Variants in TJP1 observed in about 807,000 individuals in gnomAD.
The protein encoded by TJP1 is tight junction protein ZO-1.
A neutral mutation model predicts 194.2 loss-of-function variants in TJP1; 43 were observed. The observed-to-expected ratio is 0.22, with a 90% confidence interval of 0.17 to 0.29. The LOEUF (loss-of-function observed/expected upper bound fraction) is 0.29. Ranked by LOEUF, TJP1 falls within the 10% of genes least tolerant of loss-of-function variation. The pLI is 1.00. For synonymous variants in TJP1, 801 were observed against 779.0 expected (o/e 1.03, Z -0.47); for missense variants, 1,971 against 2,185.7 (o/e 0.90, Z 1.96).
At chr15:29,807,561 T>G (rs532799892) in intron 1 of TJP1, among the ~76,000 whole-genome samples, 2 of 152,176 alleles carry the variant, frequency 1.3e-5, no homozygotes, top group Non-Finnish European at 2.9e-5. Context: ...TATATCTTTT[T>G]GCATAACTCT....
At chr15:29,753,556 C>T (rs2045436275) in intron 8 of TJP1, among the ~76,000 whole-genome samples, 1 of 146,368 alleles carries the variant, frequency 6.8e-6, no homozygotes, top group South Asian at 2.2e-4. Context: ...ATATATGTGA[C>T]ATTAGTAAGT....
chr15:29,787,173 A>T (rs1014277543), intron 2 of TJP1, among the ~76,000 whole-genome samples: 2 of 152,118 alleles, frequency 1.3e-5, no homozygotes, highest in African/African-American at 4.8e-5. Flanking sequence ...TGTATGATTC[A>T]ATGGTTTTTA....
intron 2 of TJP1, among the ~76,000 whole-genome samples, chr15:29,845,107 C>G (rs1686506853): frequency 6.6e-6 from 1 of 152,158 alleles, no homozygotes; most frequent in South Asian, 2.1e-4. Flanking sequence ...TGGATACTCC[C>G]AAGCCCTCAA....
At chr15:29,828,401 A>C (rs116101098) in intron 2 of TJP1, among the ~76,000 whole-genome samples, 3,563 of 152,208 alleles carry the variant, frequency 0.023, 52 homozygotes, top group South Asian at 0.053. Flanking sequence ...ACAACAACAA[A>C]AAAATATATA....
chr15:29,906,162 A>C (rs2053802335), intron 2 of TJP1, among the ~76,000 whole-genome samples: 2 of 152,038 alleles, frequency 1.3e-5, no homozygotes, highest in Admixed American at 1.3e-4. Flanking sequence ...TTTGCTGTGA[A>C]CCTAAAACTG....
intron 5 of TJP1, among the ~76,000 whole-genome samples, chr15:29,763,093 A>G (rs1350469694): frequency 6.6e-6 from 1 of 152,222 alleles, no homozygotes. Flanking sequence ...TGTACTAAGC[A>G]TGAGTGCAAA....
intron 22 of TJP1, among the ~76,000 whole-genome samples, chr15:29,717,815 A>C (rs1405026229): frequency 1.3e-5 from 2 of 152,196 alleles, no homozygotes; most frequent in African/African-American, 4.8e-5. Flanking sequence ...CTAAAGGTAT[A>C]AAGATTTGTC....
intron 1 of TJP1, among the ~76,000 whole-genome samples, chr15:29,821,800 A>G (rs1304221876): frequency 6.8e-6 from 1 of 147,104 alleles, no homozygotes; most frequent in African/African-American, 2.5e-5. Context: ...GGCCGCCCCC[A>G]GTGCGGCCCG....
chr15:29,818,087 T>C (rs1375966912), intron 1 of TJP1, among the ~76,000 whole-genome samples: 3 of 152,020 alleles, frequency 2.0e-5, no homozygotes, highest in Non-Finnish European at 4.4e-5. Flanking sequence ...AGTGTAACAG[T>C]AAAAAATGAC....
intron 2 of TJP1, among the ~76,000 whole-genome samples, chr15:29,918,738 C>T (rs76713372): frequency 1.4e-5 from 2 of 141,418 alleles, no homozygotes; most frequent in South Asian, 4.4e-4. Context: ...GAACATATCT[C>T]AAAAAAAAAA....
intron 2 of TJP1, among the ~76,000 whole-genome samples, chr15:29,892,859 C>T (rs1363324491): frequency 2.0e-5 from 3 of 152,140 alleles, no homozygotes; most frequent in African/African-American, 7.2e-5. Context: ...TTCATGACTG[C>T]TAACATAATA....
intron 1 of TJP1, among the ~76,000 whole-genome samples, chr15:29,957,028 G>A (rs2055972055): frequency 6.6e-6 from 1 of 152,188 alleles, no homozygotes; most frequent in African/African-American, 2.4e-5. Context: ...CACTCAGTCC[G>A]GTGCCTAGCA....
chr15:29,882,165 AGTG>A (rs1420700023), intron 2 of TJP1, among the ~76,000 whole-genome samples: 1 of 152,092 alleles, frequency 6.6e-6, no homozygotes, highest in Admixed American at 6.5e-5. Context: ...AAATTCCCCA[AGTG>A]CACCAACTAA....
intron 5 of TJP1, among the ~76,000 whole-genome samples, chr15:29,762,737 T>C: frequency 6.6e-6 from 1 of 152,118 alleles, no homozygotes; most frequent in Non-Finnish European, 1.5e-5. Context: ...GACCAAGCAT[T>C]GATACACTAG....
chr15:29,816,684 T>A (rs144062961), intron 1 of TJP1, among the ~76,000 whole-genome samples: 289 of 152,242 alleles, frequency 1.9e-3, no homozygotes, highest in African/African-American at 6.4e-3. Flanking sequence ...CAAGAAACAA[T>A]CCCTATATGT....
Position 29,708,691 on chromosome 15 carries a change from GTTTTT to G in TJP1, c.4713_4717del (p.Lys1572SerfsTer12). ...TGCCAAACTGTGCGATTTCACAAGAGTTTTTGGAGAAGTGGGAGTTTTTGAAGACA... is the reference window on the plus strand; with the variant it reads ...TGCCAAACTGTGCGATTTCACAAGAGGGAGAAGTGGGAGTTTTTGAAGACA... On this transcript the variant is annotated frameshift_variant, in exon 25 of 28. Transcript: ENST00000614355. LOFTEE classifies it high-confidence loss of function. The G allele has an allele frequency of 6.2e-7, 1 of 1,614,246 alleles. No homozygotes were observed. The highest frequency in any genetic ancestry group is 8.5e-7 in the Non-Finnish European group (1 of 1,180,048).
At chr15:29,849,924 T>A (rs1287394763) in intron 2 of TJP1, among the ~76,000 whole-genome samples, 2 of 152,076 alleles carry the variant, frequency 1.3e-5, no homozygotes, top group Non-Finnish European at 2.9e-5. Context: ...TGATGGCGTG[T>A]CCTGCAGATT....
intron 1 of TJP1, among the ~76,000 whole-genome samples, chr15:29,966,115 G>A (rs952127737): frequency 4.6e-5 from 7 of 152,172 alleles, no homozygotes; most frequent in Admixed American, 3.3e-4. Flanking sequence ...GAACCCCAAT[G>A]ATGGAAAATA....
At chr15:29,849,959 C>T (rs551121098) in intron 2 of TJP1, among the ~76,000 whole-genome samples, 4 of 152,096 alleles carry the variant, frequency 2.6e-5, no homozygotes, top group Non-Finnish European at 1.5e-5. Flanking sequence ...CCTGTGGGTT[C>T]CTTGTTCTCT....
Sources: allele counts gnomAD v4.1 joint callset (sites outside exome capture counted in the v4.1 genomes callset), GRCh38; gene constraint gnomAD v4.1.1; transcripts MANE v1.5; gene names NCBI Gene and HGNC (gene_info 2026-07-23, HGNC 2026-07-21).